The following NFIB variants were observed in gnomAD, a reference collection of about 807,000 sequenced individuals.
The protein encoded by NFIB is nuclear factor 1 B-type.
A neutral mutation model predicts 61.5 loss-of-function variants in NFIB; 11 were observed. That is an observed-to-expected ratio of 0.18 (90% CI 0.11 to 0.30). NFIB has a LOEUF of 0.30. Among genes scored for constraint, NFIB ranks in the 10% least tolerant of loss-of-function variants. The pLI, the probability that NFIB is intolerant of heterozygous loss-of-function variation, is 1.00. For missense variants in NFIB, 471 were observed against 608.9 expected, an observed-to-expected ratio of 0.77 and a Z score of 2.38; for synonymous variants, 260 against 216.5, an observed-to-expected ratio of 1.20 and a Z score of -1.76.
chr9:14,125,472 A>G (rs537433043), intron 7 of NFIB, among the ~76,000 whole-genome samples, 160 bp downstream of exon 7: 2 of 152,318 alleles, frequency 1.3e-5, no homozygotes, highest in East Asian at 1.9e-4. Context: ...TTTCTCATAA[A>G]TTGAGAAGAA....
intron 1 of NFIB, among the ~76,000 whole-genome samples, chr9:14,330,949 A>T (rs914536221): frequency 1.3e-5 from 2 of 152,076 alleles, no homozygotes; most frequent in Non-Finnish European, 2.9e-5. Context: ...GCCCCTCTGT[A>T]CTGAGTTTCC....
chr9:14,350,320 C>T (rs1230677605), intron 1 of NFIB, among the ~76,000 whole-genome samples: 1 of 152,190 alleles, frequency 6.6e-6, no homozygotes, highest in African/African-American at 2.4e-5. Context: ...AAATTAAAAA[C>T]GAAGGGCGTT....
chr9:14,141,743 T>C (rs895695610), intron 6 of NFIB, among the ~76,000 whole-genome samples: 6 of 151,988 alleles, frequency 3.9e-5, no homozygotes, highest in African/African-American at 1.4e-4. Flanking sequence ...AATTTATATT[T>C]TATCTAAGAT....
chr9:14,150,473 C>T lies in NFIB; in HGVS notation c.686-208G>A, dbSNP rs549552430. Among the ~76,000 whole-genome samples, 4 of 152,198 alleles carry T rather than the reference C, an allele frequency of 2.6e-5. No individual in the cohort carries two copies. In the South Asian group the frequency reaches 8.3e-4, roughly 32 times the overall value. Reference sequence around the variant, plus strand: ...TTCAAGCTTGGAAATTTGAGGCAATCAGATTATAATCACTGGTTACCAATT... The same window carrying T: ...TTCAAGCTTGGAAATTTGAGGCAATTAGATTATAATCACTGGTTACCAATT... On this transcript the variant is annotated intron_variant, in intron 4 of 10. Transcript: ENST00000380953.
the NFIB span, among the ~76,000 whole-genome samples, chr9:14,475,523 T>G: frequency 2.0e-3 from 300 of 152,324 alleles, no homozygotes; most frequent in Non-Finnish European, 3.7e-3. Flanking sequence ...GAGTCTTGAA[T>G]GCCCACTGCT....
At chr9:14,414,228 G>A in the NFIB span, among the ~76,000 whole-genome samples, 1 of 151,998 alleles carries the variant, frequency 6.6e-6, no homozygotes, top group Non-Finnish European at 1.5e-5. Flanking sequence ...ACAAGGTCAA[G>A]AGATTGAGAC....
chr9:14,286,050 C>T (rs546452742), intron 2 of NFIB, among the ~76,000 whole-genome samples: 6 of 152,164 alleles, frequency 3.9e-5, no homozygotes, highest in Admixed American at 6.5e-5. Context: ...ACCTAGTCAC[C>T]GCCCCTTGAT....
chr9:14,328,448 C>T (rs769687410), intron 1 of NFIB, among the ~76,000 whole-genome samples: 10 of 151,962 alleles, frequency 6.6e-5, no homozygotes, highest in Non-Finnish European at 1.3e-4. Flanking sequence ...GGCATGGGGC[C>T]CTGAGCTGCC....
chr9:14,191,937 C>A (rs1330457709), intron 2 of NFIB, among the ~76,000 whole-genome samples: 2 of 152,218 alleles, frequency 1.3e-5, no homozygotes, highest in Admixed American at 6.5e-5. Context: ...CAACCTCCAA[C>A]AAACACATAC....
At chr9:14,311,883 C>T (rs2060295953) in intron 1 of NFIB, among the ~76,000 whole-genome samples, 1 of 152,060 alleles carries the variant, frequency 6.6e-6, no homozygotes, top group Admixed American at 6.5e-5. Flanking sequence ...ATCAAGTTAA[C>T]ACAGCTTATC....
rs866590591 is a variant in NFIB at position 14,322,652 on chromosome 9, A to T, written c.109-15132T>A. 4.6e-5 allele frequency among the ~76,000 whole-genome samples: 7 copies of T among 151,294 alleles called. No homozygotes were observed. In the South Asian group the frequency reaches 6.3e-4, roughly 14 times the overall value. On this transcript the variant is annotated intron_variant, in intron 1 of 8. Transcript: ENST00000380934. ...CTCTTCGCTTCCGCCTGGCGGCGGGAAGGAAACCGAAAGGAGGAGCCGGGG... is the reference window on the plus strand; with the variant it reads ...CTCTTCGCTTCCGCCTGGCGGCGGGTAGGAAACCGAAAGGAGGAGCCGGGG...
the NFIB span, among the ~76,000 whole-genome samples, chr9:14,483,672 C>T: frequency 6.6e-6 from 1 of 152,162 alleles, no homozygotes; most frequent in South Asian, 2.1e-4. Flanking sequence ...ATGGAAGTTA[C>T]CCAGTGAGTG....
Position 14,174,862 on chromosome 9 carries a change from A to G in NFIB, c.616+4865T>C, listed in dbSNP as rs114739212. Among the ~76,000 whole-genome samples the G allele has an allele frequency of 4.5e-3, 692 of 152,130 alleles. 7 individuals are homozygous for G. The highest frequency in any genetic ancestry group is 9.7e-3 in the African/African-American group (403 of 41,528). On this transcript the variant is annotated intron_variant, in intron 3 of 10. Transcript: ENST00000380953. ...CTTTGACTTTGAACACCATATTCCA[A>G]GATAAAACGTGGTATGAGGTCCTCA...
chr9:14,138,985 A>G (rs1046291578), intron 6 of NFIB, among the ~76,000 whole-genome samples: 1 of 152,094 alleles, frequency 6.6e-6, no homozygotes, highest in Admixed American at 6.6e-5. Context: ...ACTCACAAAT[A>G]CACCTCTATT....
chr9:14,260,571 G>A (rs141149332), intron 2 of NFIB, among the ~76,000 whole-genome samples: 122 of 152,304 alleles, frequency 8.0e-4, no homozygotes, highest in African/African-American at 2.8e-3. Flanking sequence ...CTACGGTTTT[G>A]ATTTCCCATG....
At chr9:14,386,591 A>G (rs564504213) in intron 1 of NFIB, among the ~76,000 whole-genome samples, 275 of 142,544 alleles carry the variant, frequency 1.9e-3, no homozygotes, top group African/African-American at 6.6e-3. Context: ...TCACAGAGGA[A>G]CTCATGAGAG....
At chr9:14,316,177 G>A (rs2060535368), upstream of NFIB, among the ~76,000 whole-genome samples, 1 of 152,206 alleles carries the variant, frequency 6.6e-6, no homozygotes, top group Admixed American at 6.5e-5. Flanking sequence ...AGAAAAGTAG[G>A]CAGGTTCAAG....
In NFIB at chr9:14,112,626, C is replaced by A. The variant is rs115704292; in HGVS notation, c.1467+373G>T. Among the ~76,000 whole-genome samples the A allele has an allele frequency of 3.5e-3, 526 of 152,244 alleles. 2 individuals are homozygous for A. Among genetic ancestry groups the A allele is most frequent in the African/African-American group, 0.012 (501 of 41,546 alleles). ...GAAAATAAGAAATCACTCAAAAACT[C>A]GAATTATATACTGCTTCTATTCTAG... On this transcript the variant is annotated intron_variant, in intron 10 of 10. Transcript: ENST00000380953.
the NFIB span, among the ~76,000 whole-genome samples, chr9:14,427,292 A>G: frequency 2.6e-5 from 4 of 152,194 alleles, no homozygotes; most frequent in South Asian, 4.1e-4. Context: ...AATAATACTC[A>G]TAGTGAATAT....
Sources: allele counts gnomAD v4.1 joint callset (sites outside exome capture counted in the v4.1 genomes callset), GRCh38; gene constraint gnomAD v4.1.1; transcripts MANE v1.5; gene names NCBI Gene and HGNC (gene_info 2026-07-23, HGNC 2026-07-21).